Variants in CNTN4 observed in about 807,000 individuals in gnomAD.
CNTN4 encodes contactin 4.
CNTN4 carries 77 observed loss-of-function variants against 122.5 expected under a neutral mutation model. The ratio of observed to expected loss-of-function variants is 0.63; its 90% CI spans 0.52 to 0.76. CNTN4 has a LOEUF of 0.76. Ranked by LOEUF, CNTN4 falls within the 30% of genes least tolerant of loss-of-function variation. The probability of loss-of-function intolerance (pLI) is 0.00; values close to 1 mark genes in which losing one functional copy is unlikely to be tolerated. For missense variants in CNTN4, 1,256 were observed against 1,259.1 expected (o/e 1.00, Z 0.04); for synonymous variants, 512 against 447.0 (o/e 1.15, Z -1.83).
intron 3 of CNTN4, among the ~76,000 whole-genome samples, chr3:2,481,828 A>G (rs140991971): frequency 0.014 from 2,112 of 152,014 alleles, 21 homozygotes; most frequent in Non-Finnish European, 0.021. Flanking sequence ...GAATGCTAGC[A>G]CTCATTCTCT....
intron 2 of CNTN4, among the ~76,000 whole-genome samples, chr3:2,221,012 G>C: frequency 6.6e-6 from 1 of 152,060 alleles, no homozygotes; most frequent in African/African-American, 2.4e-5. Flanking sequence ...TCGGACTGGG[G>C]CCATCAAATA....
intron 6 of CNTN4, among the ~76,000 whole-genome samples, chr3:2,762,617 A>T (rs9682689): frequency 0.43 from 65,635 of 152,032 alleles, 16,128 homozygotes; most frequent in Non-Finnish European, 0.57. Context: ...TGCTATTGTG[A>T]ATAGTACTGC....
intron 2 of CNTN4, among the ~76,000 whole-genome samples, chr3:2,281,037 C>T (rs1248377804): frequency 2.0e-5 from 3 of 152,148 alleles, no homozygotes; most frequent in Non-Finnish European, 4.4e-5. Flanking sequence ...TGGGATGAAA[C>T]AGAGAGACTG....
intron 3 of CNTN4, among the ~76,000 whole-genome samples, chr3:2,530,597 C>T (rs189829274): frequency 1.6e-3 from 247 of 152,164 alleles, no homozygotes; most frequent in Non-Finnish European, 3.0e-3. Flanking sequence ...CGTAAGCCAC[C>T]GCACCTGGCC....
rs116809627 is a variant in CNTN4, at chr3:2,874,857, A to G, written c.652+7908A>G. ...TAGGAATTGGCAAACTCTTTCCCAC[A>G]GGCCAACCTTGCCTGTGGCCTGTTT... On this transcript the variant is annotated intron_variant, in intron 8 of 24. Transcript: ENST00000418658. 8.3e-3 allele frequency among the ~76,000 whole-genome samples: 1,259 copies of G among 152,318 alleles called. 19 individuals are homozygous for G. The highest frequency in any genetic ancestry group is 0.027 in the African/African-American group (1,132 of 41,584).
intron 6 of CNTN4, among the ~76,000 whole-genome samples, chr3:2,777,166 T>C (rs1027618413): frequency 6.6e-6 from 1 of 152,100 alleles, no homozygotes; most frequent in Non-Finnish European, 1.5e-5. Context: ...AATTTAAGGA[T>C]CCTTTGTGCT....
At chr3:2,179,087 A>G (rs569605722) in intron 2 of CNTN4, among the ~76,000 whole-genome samples, 9 of 152,082 alleles carry the variant, frequency 5.9e-5, no homozygotes, top group Non-Finnish European at 8.8e-5. Flanking sequence ...ATCATTTGCA[A>G]TTATAAATGT....
intron 10 of CNTN4, among the ~76,000 whole-genome samples, chr3:2,893,438 A>T (rs897764131): frequency 3.9e-5 from 6 of 152,242 alleles, no homozygotes; most frequent in Non-Finnish European, 5.9e-5. Flanking sequence ...GTAGGGCAAT[A>T]GTTTGCTTAA....
chr3:2,600,698 T>A (rs1432301595), intron 4 of CNTN4, among the ~76,000 whole-genome samples: 1 of 152,194 alleles, frequency 6.6e-6, no homozygotes, highest in Non-Finnish European at 1.5e-5. Context: ...TGATTTATAG[T>A]CCTTTGGGTA....
At chr3:2,572,362 G>A (rs2079462023) in intron 4 of CNTN4, among the ~76,000 whole-genome samples, 1 of 152,110 alleles carries the variant, frequency 6.6e-6, no homozygotes, top group East Asian at 1.9e-4. Context: ...CTCCAGCCTG[G>A]GCAACAGAGT....
chr3:2,171,500 C>T (rs2149244598), intron 2 of CNTN4, among the ~76,000 whole-genome samples: 1 of 152,182 alleles, frequency 6.6e-6, no homozygotes, highest in South Asian at 2.1e-4. Flanking sequence ...TTTATATATT[C>T]TGAAATATTT....
At chr3:2,204,879 C>T (rs1057102520) in intron 2 of CNTN4, among the ~76,000 whole-genome samples, 2 of 151,944 alleles carry the variant, frequency 1.3e-5, no homozygotes, top group Admixed American at 1.3e-4. Context: ...ATTTCTGGCC[C>T]TAATAACATA....
At chr3:2,584,896 G>A (rs1397028730) in intron 4 of CNTN4, among the ~76,000 whole-genome samples, 1 of 151,418 alleles carries the variant, frequency 6.6e-6, no homozygotes, top group Non-Finnish European at 1.5e-5. Context: ...ATACGAAGTA[G>A]GAAGGTAGGT....
chr3:2,632,621 T>A (rs2082493642), intron 4 of CNTN4, among the ~76,000 whole-genome samples: 1 of 152,214 alleles, frequency 6.6e-6, no homozygotes, highest in African/African-American at 2.4e-5. Flanking sequence ...TCTTAGGGCG[T>A]GATTTAACTC....
intron 6 of CNTN4, among the ~76,000 whole-genome samples, chr3:2,764,883 A>G (rs958048429): frequency 1.3e-5 from 2 of 152,222 alleles, no homozygotes; most frequent in African/African-American, 4.8e-5. Flanking sequence ...GAACTCAGAC[A>G]TAAAAAAATT....
At chr3:2,419,970 G>T (rs2047555067) in intron 3 of CNTN4, among the ~76,000 whole-genome samples, 1 of 152,150 alleles carries the variant, frequency 6.6e-6, no homozygotes, top group Non-Finnish European at 1.5e-5. Context: ...TGTCCCAGGT[G>T]TGGATGCTGC....
At chr3:2,147,995 A>G (rs540684826) in intron 2 of CNTN4, among the ~76,000 whole-genome samples, 18 of 151,834 alleles carry the variant, frequency 1.2e-4, no homozygotes, top group Admixed American at 1.2e-3. Context: ...CTCCCACACT[A>G]CTTCTATTGA....
intron 3 of CNTN4, among the ~76,000 whole-genome samples, chr3:2,543,071 T>G (rs530176578): frequency 1.7e-4 from 26 of 152,272 alleles, no homozygotes; most frequent in African/African-American, 5.8e-4. Context: ...TGGACCAAGA[T>G]AAATCTTTAC....
intron 2 of CNTN4, among the ~76,000 whole-genome samples, chr3:2,285,748 G>GT (rs893808097): frequency 3.0e-4 from 45 of 152,094 alleles, no homozygotes; most frequent in African/African-American, 1.0e-3. Flanking sequence ...ACTGAGATTT[G>GT]TTTTTTCTAC....
Sources: allele counts gnomAD v4.1 joint callset (sites outside exome capture counted in the v4.1 genomes callset), GRCh38; gene constraint gnomAD v4.1.1; transcripts MANE v1.5; gene names NCBI Gene and HGNC (gene_info 2026-07-23, HGNC 2026-07-21).